Variants in PLCB4 observed in about 807,000 individuals in gnomAD.
PLCB4 encodes phospholipase C beta 4.
PLCB4 carries 77 observed loss-of-function variants against 178.8 expected under a neutral mutation model. The observed-to-expected ratio is 0.43, with a 90% CI of 0.36 to 0.52. The LOEUF is 0.52. PLCB4 is among the 20% of genes least tolerant of loss of function. The pLI, the probability that PLCB4 is intolerant of heterozygous loss-of-function variation, is 0.00. For synonymous variants in PLCB4, 496 were observed against 490.8 expected (o/e 1.01, Z -0.14); for missense variants, 1,024 against 1,453.4 (o/e 0.70, Z 4.80).
At position 9,457,580 on chromosome 20, in the gene PLCB4, G is replaced by A. The variant is rs913916454; in HGVS notation, c.3072+91G>A. 42 of 753,656 alleles carry A rather than the reference G, an allele frequency of 5.6e-5. No individual in the cohort carries two copies. In the Admixed American group the frequency reaches 7.7e-4, roughly 14 times the overall value. The allele number at this position is 753,656 out of a possible 1,614,324, so 46.7% of individuals were successfully genotyped here. A position where few individuals can be genotyped will look rare whatever the true frequency, so the allele number is the denominator to read the frequency against. On this transcript the variant is annotated intron_variant, in intron 34 of 39. Coordinates refer to ENST00000378473, the MANE Select transcript of PLCB4 (RefSeq NM_001377142.1). ...TACCTAGTGTAAATTAGAAATAACA[G>A]TAGCCCAGAGCTGGTCTAGTAGCCT...
intron 6 of PLCB4, 124 bp downstream of exon 6, chr20:9,338,191 T>C (rs1383166474): frequency 4.5e-6 from 3 of 673,382 alleles, no homozygotes; most frequent in Non-Finnish European, 8.1e-6. Context: ...GATCTCAGTT[T>C]TGAGAATAGC....
chr20:9,459,544 G>A, intron 34 of PLCB4, 91 bp from the exon 35 acceptor site: 1 of 852,562 alleles, frequency 1.2e-6, no homozygotes, highest in Non-Finnish European at 1.8e-6. Context: ...GTTGGTGGGA[G>A]GAACCTGAAA....
intron 33 of PLCB4, among the ~76,000 whole-genome samples, chr20:9,454,294 G>A (rs1239832471): frequency 6.6e-6 from 1 of 152,176 alleles, no homozygotes; most frequent in African/African-American, 2.4e-5. Flanking sequence ...ATGTTAACCT[G>A]GATGACTTGG....
At chr20:9,370,963 G>C (rs1258687961) in intron 9 of PLCB4, 5 of 398,332 alleles carry the variant, frequency 1.3e-5, no homozygotes, top group Non-Finnish European at 2.3e-5. Context: ...CTTGCCCCTT[G>C]TTCTCCCAAG....
rs1677331429 is a variant in PLCB4 at position 9,084,566 on chromosome 20, G to A, written c.-134-11721G>A. ...AGACATTCATTAAGTGCATTGTAGT[G>A]TTTTGCTTAATTTGGTGCCTGTCAG... On this transcript the variant is annotated intron_variant, in intron 1 of 39. Transcript: ENST00000378473. 3.3e-5 allele frequency among the ~76,000 whole-genome samples: 5 copies of A among 151,912 alleles called. No individual in the cohort carries two copies. The South Asian group carries it at 1.0e-3, about 32-fold the overall frequency.
intron 3 of PLCB4, among the ~76,000 whole-genome samples, chr20:9,225,409 C>T (rs1466935838): frequency 1.3e-5 from 2 of 152,234 alleles, no homozygotes; most frequent in Middle Eastern, 3.4e-3. Flanking sequence ...AATTGTTCTA[C>T]CTTCAGTTTA....
chr20:9,291,613 G>A (rs1195361639), intron 3 of PLCB4, among the ~76,000 whole-genome samples: 1 of 152,070 alleles, frequency 6.6e-6, no homozygotes, highest in Non-Finnish European at 1.5e-5. Flanking sequence ...AATTCCATGT[G>A]ATTTTTTTCT....
intron 36 of PLCB4, among the ~76,000 whole-genome samples, chr20:9,472,570 C>A (rs1424546087): frequency 6.6e-6 from 1 of 152,038 alleles, no homozygotes; most frequent in Non-Finnish European, 1.5e-5. Flanking sequence ...ATAAACATGG[C>A]AAAACATTAA....
intron 18 of PLCB4, 34 bp downstream of exon 18, chr20:9,393,712 T>C: frequency 3.9e-6 from 5 of 1,267,264 alleles, no homozygotes; most frequent in Non-Finnish European, 5.8e-6. Context: ...AATGGAAGCA[T>C]ACATAACATG....
At chr20:9,217,976 G>A (rs1048842856) in intron 3 of PLCB4, among the ~76,000 whole-genome samples, 1 of 152,138 alleles carries the variant, frequency 6.6e-6, no homozygotes, top group Non-Finnish European at 1.5e-5. Flanking sequence ...GCAAAAAGGG[G>A]AACTGGAAAT....
intron 28 of PLCB4, among the ~76,000 whole-genome samples, chr20:9,431,872 T>C (rs1235934324): frequency 1.3e-5 from 2 of 152,200 alleles, no homozygotes; most frequent in East Asian, 1.9e-4. Flanking sequence ...TTAAAGCTTA[T>C]TAAGAATAAA....
chr20:9,236,522 A>G (rs1043584923), intron 3 of PLCB4, among the ~76,000 whole-genome samples: 5 of 152,148 alleles, frequency 3.3e-5, no homozygotes, highest in Non-Finnish European at 7.4e-5. Context: ...GACTGAGCCT[A>G]ATTGCACAAG....
chr20:9,322,975 C>A (rs959287502), intron 4 of PLCB4, among the ~76,000 whole-genome samples: 2 of 152,156 alleles, frequency 1.3e-5, no homozygotes, highest in South Asian at 4.1e-4. Flanking sequence ...CCTCGCATTG[C>A]CATCATAAGG....
chr20:9,369,021 A>G (rs537900127), intron 9 of PLCB4, among the ~76,000 whole-genome samples: 20 of 152,168 alleles, frequency 1.3e-4, no homozygotes, highest in African/African-American at 4.6e-4. Flanking sequence ...CCACGATATT[A>G]TCTCCCTTCT....
chr20:9,230,013 A>G (rs1044124231), intron 3 of PLCB4, among the ~76,000 whole-genome samples: 1 of 152,168 alleles, frequency 6.6e-6, no homozygotes, highest in Non-Finnish European at 1.5e-5. Context: ...GGATGGCCTA[A>G]ACCCACAGTT....
In PLCB4 at chr20:9,168,023, A is replaced by G. The variant is rs570341650; in HGVS notation, c.-78-49367A>G. On this transcript the variant is annotated intron_variant, in intron 2 of 39. Coordinates refer to ENST00000378473, the MANE Select transcript of PLCB4 (RefSeq NM_001377142.1). ...TGAAGAACTTTCACAGCTGTCTTTT[A>G]TAGCTGAAGCAGGGACAGTGGCCTA... is the stretch of plus-strand genomic sequence containing the variant. Among the ~76,000 whole-genome samples the G allele has an allele frequency of 5.3e-5, 8 of 152,340 alleles. No individual in the cohort carries two copies. In the South Asian group the frequency reaches 1.7e-3, roughly 32 times the overall value.
At chr20:9,210,673 A>G (rs1386400575) in intron 2 of PLCB4, among the ~76,000 whole-genome samples, 3 of 151,990 alleles carry the variant, frequency 2.0e-5, no homozygotes, top group African/African-American at 7.3e-5. Flanking sequence ...TCATTTTTTA[A>G]TGTTAATAAC....
chr20:9,403,552 A>G (rs1259715503), intron 20 of PLCB4, among the ~76,000 whole-genome samples: 1 of 152,248 alleles, frequency 6.6e-6, no homozygotes, highest in Non-Finnish European at 1.5e-5. Flanking sequence ...GAAGAGGTTC[A>G]GAGAAACTCC....
chr20:9,271,974 A>G (rs1445312349), intron 3 of PLCB4, among the ~76,000 whole-genome samples: 1 of 151,692 alleles, frequency 6.6e-6, no homozygotes, highest in Non-Finnish European at 1.5e-5. Context: ...CCAGGAGTTC[A>G]GGACCTCAGC....
Sources: gnomAD v4.1 joint callset for allele counts (sites outside exome capture counted in the v4.1 genomes callset) on GRCh38, gnomAD v4.1.1 for gene constraint, MANE v1.5 for transcripts, NCBI Gene and HGNC (gene_info 2026-07-23, HGNC 2026-07-21) for gene names.